POM121: variants seen among roughly 807,000 people sequenced by gnomAD.
POM121 encodes nuclear envelope pore membrane protein POM 121.
In POM121, 32 loss-of-function variants were observed where a neutral mutation model predicts 81.3. The observed-to-expected ratio is 0.39, with a 90% CI of 0.30 to 0.53. The LOEUF is 0.53. Among genes scored for constraint, POM121 ranks in the 20% least tolerant of loss-of-function variants. POM121 has a pLI of 0.66. For missense variants in POM121, 1,138 were observed against 1,614.6 expected (o/e 0.70, Z 5.06); for synonymous variants, 514 against 694.2 (o/e 0.74, Z 4.08).
exon 1 of POM121, chr7:72,879,509 C>G (rs1204157393): frequency 4.0e-6 from 1 of 251,114 alleles, no homozygotes; most frequent in African/African-American, 2.4e-5. Flanking sequence ...GCCCAGGGTT[C>G]GCGCGGGCCG....
At chr7:72,925,872 G>A (rs1365220048) in intron 1 of POM121, 107 bp downstream of exon 1, 4 of 1,257,234 alleles carry the variant, frequency 3.2e-6, no homozygotes, top group African/African-American at 3.1e-5. Flanking sequence ...CAAGGGGATT[G>A]TGTGTGGTTT....
At chr7:72,925,041 A>T, upstream of POM121, 2 of 1,341,994 alleles carry the variant, frequency 1.5e-6, no homozygotes, top group East Asian at 3.1e-5. Context: ...CGCGCGCATG[A>T]CGTAGAGGGC....
At chr7:72,908,179 T>A (rs1793456752) in intron 3 of POM121, among the ~76,000 whole-genome samples, 1 of 152,230 alleles carries the variant, frequency 6.6e-6, no homozygotes, top group South Asian at 2.1e-4. Context: ...CCCCTGATAA[T>A]TCAACGTGAG....
rs1554497227 is a variant in POM121, at chr7:72,925,727, C to T, written c.606C>T (p.Pro202=). ...CTCACCACGTTTACCCCTCTCTGCCCACTCCTCTTCTCCGACCCTCCAGGA... is the reference window on the plus strand; with the variant it reads ...CTCACCACGTTTACCCCTCTCTGCCTACTCCTCTTCTCCGACCCTCCAGGA... ...HRAHHVYPSL[P]TPLLRPSRRP... Residue 202 remains proline (P), a synonymous_variant, in exon 1 of 13, where the codon CCC becomes CCT. Transcript: ENST00000434423. 1 of 1,318,372 alleles carries T rather than the reference C, an allele frequency of 7.6e-7. No homozygotes were observed. The highest frequency in any genetic ancestry group is 3.5e-5 in the East Asian group (1 of 28,652). The allele number at this position is 1,318,372 out of a possible 1,614,324, so 81.7% of individuals were successfully genotyped here. A position where few individuals can be genotyped will look rare whatever the true frequency, so the allele number is the denominator to read the frequency against.
Position 72,917,356 on chromosome 7 carries a change from G to A in POM121, c.-152+3528G>A, listed in dbSNP as rs551392694. On this transcript the variant is annotated intron_variant, in intron 4 of 15. Transcript: ENST00000395270. ...CTTAGCTGGGCCTGCACTGACCCTC[G>A]TAATCAGGCCAAGGTGAAAGCTTAG... Among the ~76,000 whole-genome samples the A allele has an allele frequency of 3.1e-4, 47 of 152,226 alleles. No homozygotes were observed. In the South Asian group the frequency reaches 8.3e-3, roughly 27 times the overall value.
intron 3 of POM121, among the ~76,000 whole-genome samples, chr7:72,898,498 A>G (rs551805166): frequency 6.6e-6 from 1 of 152,206 alleles, no homozygotes; most frequent in African/African-American, 2.4e-5. Flanking sequence ...TGAGATGAAG[A>G]TAAAAATGCT....
intron 3 of POM121, among the ~76,000 whole-genome samples, chr7:72,895,186 G>T (rs1232168774): frequency 6.6e-6 from 1 of 152,190 alleles, no homozygotes; most frequent in Admixed American, 6.5e-5. Flanking sequence ...TCAATGACCA[G>T]GGTTGTCCAG....
At chr7:72,950,069 G>A, downstream of POM121, 1 of 1,573,822 alleles carries the variant, frequency 6.4e-7, no homozygotes, top group Non-Finnish European at 8.7e-7. Context: ...CTGTCCTGCA[G>A]AATGAGGTGT....
chr7:72,928,973 G>A (rs1284039558), intron 4 of POM121, among the ~76,000 whole-genome samples: 10 of 152,226 alleles, frequency 6.6e-5, no homozygotes, highest in Admixed American at 6.5e-4. Flanking sequence ...GAATGAGGCA[G>A]GTGGATGGTA....
intron 3 of POM121, among the ~76,000 whole-genome samples, chr7:72,900,421 CTT>C (rs1255826647): frequency 6.9e-6 from 1 of 145,004 alleles, no homozygotes; most frequent in Non-Finnish European, 1.5e-5. Context: ...TTTAATTGAT[CTT>C]TTCGAAGAGC....
chr7:72,898,532 C>T (rs1198307454), intron 3 of POM121, among the ~76,000 whole-genome samples: 1 of 152,152 alleles, frequency 6.6e-6, no homozygotes, highest in Non-Finnish European at 1.5e-5. Context: ...CGTGTTGGCT[C>T]ACGCCTGTAA....
upstream of POM121, among the ~76,000 whole-genome samples, chr7:72,922,129 T>G (rs1794870529): frequency 6.6e-6 from 1 of 152,242 alleles, no homozygotes. Flanking sequence ...TTTACTAGAT[T>G]ACTAGTGAGG....
chr7:72,886,992 CCCTCCATTGATT>C (rs1217095691), intron 1 of POM121, among the ~76,000 whole-genome samples: 1 of 151,830 alleles, frequency 6.6e-6, no homozygotes, highest in Non-Finnish European at 1.5e-5. Context: ...CCGCCACCTC[CCCTCCATTGATT>C]CTTGTTGCCT....
intron 3 of POM121, among the ~76,000 whole-genome samples, chr7:72,902,306 A>C (rs1453712983): frequency 1.6e-5 from 2 of 121,368 alleles, no homozygotes; most frequent in African/African-American, 6.6e-5. Context: ...CTTGTCACCC[A>C]GGCTGGAGTG....
At position 72,943,531 on chromosome 7, in the gene POM121, G is replaced by A; in HGVS notation, c.3529+9G>A. ...CAAACCTGTGTTTGGAGGTAAGGAG[G>A]GGCGTGGACTTGGGCTACCGGGCCG... On this transcript the variant is annotated intron_variant, in intron 11 of 12. Coordinates refer to ENST00000434423, the MANE Select transcript of POM121 (RefSeq NM_001387691.1). 1.2e-6 allele frequency: 2 copies of A among 1,611,320 alleles called. No homozygotes were observed. Among genetic ancestry groups the A allele is most frequent in the South Asian group, 1.1e-5 (1 of 90,786 alleles).
intron 1 of POM121, among the ~76,000 whole-genome samples, chr7:72,887,230 G>T (rs1212547241): frequency 7.3e-5 from 11 of 151,446 alleles, no homozygotes; most frequent in Non-Finnish European, 1.3e-4. Context: ...TTTACATCTT[G>T]CCTGTCTTGA....
chr7:72,947,841 G>T lies in POM121; in HGVS notation c.*1607G>T, dbSNP rs1241968889. The T allele has an allele frequency of 1.0e-6, 1 of 984,682 alleles. No individual in the cohort carries two copies. The highest frequency in any genetic ancestry group is 1.8e-5 in the African/African-American group (1 of 56,324). The allele number at this position is 984,682 out of a possible 1,614,324, so 61.0% of individuals were successfully genotyped here. ...AAATAATGTGATGTAAATGTAACTG[G>T]TGCCCCCTCCCCGATGTGACTGAGG... On this transcript the variant is annotated 3_prime_UTR_variant, in exon 13 of 13. Transcript: ENST00000434423.
At chr7:72,894,646 A>AGAGT (rs1791719483) in intron 3 of POM121, among the ~76,000 whole-genome samples, 1 of 60,392 alleles carries the variant, frequency 1.7e-5, no homozygotes, top group Non-Finnish European at 5.7e-5. Flanking sequence ...AGAGAGAGAG[A>AGAGT]GAGAGAGAGA....
chr7:72,896,895 C>T (rs1422086813), intron 3 of POM121, among the ~76,000 whole-genome samples: 1 of 152,296 alleles, frequency 6.6e-6, no homozygotes, highest in Middle Eastern at 3.2e-3. Context: ...AATAATTATA[C>T]ACTTTATTGC....
Sources: gnomAD v4.1 joint callset for allele counts (sites outside exome capture counted in the v4.1 genomes callset) on GRCh38, gnomAD v4.1.1 for gene constraint, MANE v1.5 for transcripts, NCBI Gene and HGNC (gene_info 2026-07-23, HGNC 2026-07-21) for gene names.